DRC9: variants seen among roughly 807,000 people sequenced by gnomAD.
DRC9 encodes dynein regulatory complex protein 9.
chr3:197,936,023 G>A, the DRC9 span, among the ~76,000 whole-genome samples: 45 of 152,074 alleles, frequency 3.0e-4, no homozygotes, highest in South Asian at 6.4e-3. Flanking sequence ...TGAGACGGGC[G>A]GATCACCTGA....
the DRC9 span, among the ~76,000 whole-genome samples, chr3:197,908,248 G>A: frequency 2.3e-5 from 3 of 129,360 alleles, no homozygotes; most frequent in Non-Finnish European, 4.8e-5. Flanking sequence ...GGTCTGAAGA[G>A]TGACCCCTTT....
At chr3:197,924,239 G>A in the DRC9 span, among the ~76,000 whole-genome samples, 1 of 151,260 alleles carries the variant, frequency 6.6e-6, no homozygotes, top group East Asian at 2.0e-4. Flanking sequence ...CATGCCTGTA[G>A]TCCCAGCTAC....
the DRC9 span, among the ~76,000 whole-genome samples, chr3:197,942,068 G>A: frequency 6.6e-6 from 1 of 152,070 alleles, no homozygotes; most frequent in Non-Finnish European, 1.5e-5. Flanking sequence ...AAAACTCGCA[G>A]AATGCCAGCT....
the DRC9 span, among the ~76,000 whole-genome samples, chr3:197,931,614 A>AT: frequency 4.5e-4 from 66 of 147,830 alleles, no homozygotes; most frequent in Non-Finnish European, 6.2e-4. Context: ...AATTAAATCT[A>AT]TTTTTTTTTT....
At chr3:197,940,628 A>C in the DRC9 span, among the ~76,000 whole-genome samples, 1 of 152,332 alleles carries the variant, frequency 6.6e-6, no homozygotes, top group Admixed American at 6.5e-5. Flanking sequence ...TGGGAAAGGA[A>C]ACATCCATAT....
chr3:197,904,954 G>C, the DRC9 span, among the ~76,000 whole-genome samples: 1 of 152,144 alleles, frequency 6.6e-6, no homozygotes, highest in Non-Finnish European at 1.5e-5. Context: ...TGGAACTGAG[G>C]TCATTATGTT....
At chr3:197,951,143 A>G in the DRC9 span, 1 of 1,613,986 alleles carries the variant, frequency 6.2e-7, no homozygotes, top group South Asian at 1.1e-5. Flanking sequence ...CATGTTGTGT[A>G]TCTTTTGTGT....
At chr3:197,951,411 T>A in the DRC9 span, 1 of 1,307,676 alleles carries the variant, frequency 7.6e-7, no homozygotes, top group Non-Finnish European at 1.1e-6. Flanking sequence ...TGGAATGCAG[T>A]GACTTGGTCT....
the DRC9 span, among the ~76,000 whole-genome samples, chr3:197,946,242 T>G: frequency 3.9e-5 from 6 of 152,090 alleles, no homozygotes; most frequent in African/African-American, 1.4e-4. Flanking sequence ...GAGACCATCC[T>G]GGCTAACACG....
chr3:197,903,054 A>G, the DRC9 span, among the ~76,000 whole-genome samples: 2 of 152,250 alleles, frequency 1.3e-5, no homozygotes, highest in Non-Finnish European at 2.9e-5. Flanking sequence ...TTTTTGACAA[A>G]GGTACCAAGA....
chr3:197,894,952 C>T, the DRC9 span, among the ~76,000 whole-genome samples: 1 of 152,050 alleles, frequency 6.6e-6, no homozygotes, highest in East Asian at 1.9e-4. Flanking sequence ...CCCAGCTACT[C>T]AGAGCCGAGG....
the DRC9 span, among the ~76,000 whole-genome samples, chr3:197,908,824 A>T: frequency 6.7e-6 from 1 of 148,426 alleles, no homozygotes; most frequent in Non-Finnish European, 1.5e-5. Context: ...ATCCTCCCAG[A>T]TGAAGTTATC....
At chr3:197,910,651 T>G in the DRC9 span, among the ~76,000 whole-genome samples, 4 of 152,138 alleles carry the variant, frequency 2.6e-5, no homozygotes, top group African/African-American at 9.7e-5. Context: ...GCTGGAAAAT[T>G]TTCTCTTTAT....
At chr3:197,925,454 G>GT in the DRC9 span, among the ~76,000 whole-genome samples, 79 of 150,732 alleles carry the variant, frequency 5.2e-4, no homozygotes, top group African/African-American at 1.8e-3. Flanking sequence ...GTGGGGGAGG[G>GT]TGGGGGTGTA....
the DRC9 span, chr3:197,943,810 C>T: frequency 1.4e-4 from 230 of 1,614,054 alleles, no homozygotes; most frequent in African/African-American, 1.8e-3. Context: ...TCGTACTGAA[C>T]GGGCATGATG....
At chr3:197,954,840 T>C in the DRC9 span, among the ~76,000 whole-genome samples, 2 of 152,202 alleles carry the variant, frequency 1.3e-5, no homozygotes, top group Non-Finnish European at 2.9e-5. Flanking sequence ...AAGATATTTA[T>C]TGGGCACTGA....
At chr3:197,932,985 T>TA in the DRC9 span, among the ~76,000 whole-genome samples, 1 of 141,898 alleles carries the variant, frequency 7.0e-6, no homozygotes, top group African/African-American at 2.6e-5. Context: ...TATTGTATTA[T>TA]ATATTACATA....
At chr3:197,925,961 C>G in the DRC9 span, 1 of 853,084 alleles carries the variant, frequency 1.2e-6, no homozygotes, top group Non-Finnish European at 2.0e-6. Context: ...AGAAAGATGG[C>G]TTCCATATAT....
At chr3:197,953,419 G>A in the DRC9 span, 12 of 456,618 alleles carry the variant, frequency 2.6e-5, no homozygotes, top group East Asian at 6.9e-5. Flanking sequence ...TACATTGCTC[G>A]AACCACAGTA....
Sources: allele counts gnomAD v4.1 joint callset (sites outside exome capture counted in the v4.1 genomes callset), GRCh38; gene constraint gnomAD v4.1.1; transcripts MANE v1.5; gene names NCBI Gene and HGNC (gene_info 2026-07-23, HGNC 2026-07-21).